Variants in GRAMD4 observed in about 807,000 individuals in gnomAD.
GRAMD4 encodes GRAM domain containing 4.
In GRAMD4, 25 loss-of-function variants were observed where a neutral mutation model predicts 83.9. That is an observed-to-expected ratio of 0.30 (90% CI 0.22 to 0.42). The LOEUF is 0.42. GRAMD4 is among the 10% of genes least tolerant of loss of function. The pLI, the probability that GRAMD4 is intolerant of heterozygous loss-of-function variation, is 1.00. For missense variants in GRAMD4, 593 were observed against 788.7 expected (o/e 0.75, Z 2.97); for synonymous variants, 336 against 320.9 (o/e 1.05, Z -0.50).
chr22:46,673,439 C>G (rs36030561), intron 14 of GRAMD4, among the ~76,000 whole-genome samples: 4,306 of 152,362 alleles, frequency 0.028, 90 homozygotes, highest in Admixed American at 0.047. Context: ...GAGCAGGCCT[C>G]GGTGCTCCCT....
At chr22:46,635,926 C>T (rs937827574) in intron 2 of GRAMD4, among the ~76,000 whole-genome samples, 9 of 152,196 alleles carry the variant, frequency 5.9e-5, no homozygotes, top group African/African-American at 2.2e-4. Context: ...TGCAGGGGTC[C>T]AGCTGCAGGC....
rs940431483 is a variant in GRAMD4, at chr22:46,621,802, G to A, written c.-50+1237G>A. Among the ~76,000 whole-genome samples, 1 of 152,236 alleles carries A rather than the reference G, an allele frequency of 6.6e-6. No individual in the cohort carries two copies. Among genetic ancestry groups the A allele is most frequent in the Non-Finnish European group, 1.5e-5 (1 of 68,034 alleles). ...GGGCCCATCCCTGGTGGTGAAGGCT[G>A]GAAGGTCCATCCCTGGCAGTGTGTG... On this transcript the variant is annotated intron_variant, in intron 1 of 18. Coordinates refer to ENST00000406902, the MANE Select transcript of GRAMD4 (RefSeq NM_015124.5). The surrounding 1 kb of genome is among the most constrained non-coding windows in gnomAD (Gnocchi z 5.8).
At position 46,677,286 on chromosome 22, in the gene GRAMD4, T is replaced by C; in HGVS notation, c.*35T>C. 1 of 1,559,016 alleles carries C rather than the reference T, an allele frequency of 6.4e-7. No individual in the cohort carries two copies. Among genetic ancestry groups the C allele is most frequent in the Non-Finnish European group, 8.6e-7 (1 of 1,161,180 alleles). The stretch of plus-strand genomic sequence containing the variant: ...GCCCAGGACGTTGCTGGAATTTTCT[T>C]TTTCTTTTTCTTTTTCTTTTTTTTT... On this transcript the variant is annotated 3_prime_UTR_variant, in exon 19 of 19. Transcript: ENST00000406902.
intron 1 of GRAMD4, among the ~76,000 whole-genome samples, chr22:46,624,324 CTTTTTTTTT>C (rs577618843): frequency 4.3e-5 from 3 of 69,550 alleles, no homozygotes; most frequent in Admixed American, 1.9e-4. Flanking sequence ...TTCCCTCTTC[CTTTTTTTTT>C]TTTTTTTTTT....
downstream of GRAMD4, among the ~76,000 whole-genome samples, chr22:46,681,607 G>C (rs375034601): frequency 5.3e-5 from 8 of 152,220 alleles, no homozygotes; most frequent in African/African-American, 1.7e-4. Context: ...GGGCACTGCA[G>C]AGCTTCCAGC....
chr22:46,580,188 T>G (rs2081083783), intron 1 of GRAMD4, among the ~76,000 whole-genome samples: 3 of 152,138 alleles, frequency 2.0e-5, no homozygotes, highest in Admixed American at 2.0e-4. Context: ...CCGGGTTTAG[T>G]GAGTAACAGG....
intron 3 of GRAMD4, among the ~76,000 whole-genome samples, chr22:46,654,826 G>A (rs369388211): frequency 7.2e-5 from 11 of 152,294 alleles, no homozygotes; most frequent in South Asian, 2.1e-4. Flanking sequence ...TCCCTCCTCC[G>A]GAACCTGTGG....
At chr22:46,632,019 C>G (rs1373711480) in intron 2 of GRAMD4, among the ~76,000 whole-genome samples, 3 of 152,256 alleles carry the variant, frequency 2.0e-5, no homozygotes, top group Non-Finnish European at 4.4e-5. Flanking sequence ...CGGCGTGTGT[C>G]TTTTCATCTC....
chr22:46,593,202 G>A (rs1209747461), intron 1 of GRAMD4, among the ~76,000 whole-genome samples: 1 of 152,046 alleles, frequency 6.6e-6, no homozygotes, highest in Non-Finnish European at 1.5e-5. Flanking sequence ...GTACTGAAAC[G>A]TTTAAAAAGT....
intron 9 of GRAMD4, among the ~76,000 whole-genome samples, chr22:46,666,140 T>A (rs1158380186): frequency 6.6e-6 from 1 of 152,208 alleles, no homozygotes; most frequent in Non-Finnish European, 1.5e-5. Context: ...CCCGTGTGAC[T>A]GACGCGTTAA....
rs1006436552 is a variant in GRAMD4, at chr22:46,622,661, C to T, written c.-50+2096C>T. 6.6e-6 allele frequency among the ~76,000 whole-genome samples: 1 copy of T among 152,162 alleles called. No homozygotes were observed. The highest frequency in any genetic ancestry group is 2.4e-5 in the African/African-American group (1 of 41,432). Reference sequence around the variant, plus strand: ...GAGCACGGCGGCTCACGCCTGTAATCCCAGCACTTTGGGAGGCCGAGGCGG... The same window carrying T: ...GAGCACGGCGGCTCACGCCTGTAATTCCAGCACTTTGGGAGGCCGAGGCGG... On this transcript the variant is annotated intron_variant, in intron 1 of 18. Coordinates refer to ENST00000406902, the MANE Select transcript of GRAMD4 (RefSeq NM_015124.5). This position sits in a 1 kb window ranked among gnomAD's most constrained non-coding sequence, Gnocchi z 4.0.
intron 4 of GRAMD4, 65 bp from the exon 5 acceptor site, chr22:46,661,316 T>A: frequency 7.7e-7 from 1 of 1,295,510 alleles, no homozygotes; most frequent in Non-Finnish European, 1.1e-6. Context: ...CCCTCGGGGG[T>A]GCCTGACTGG....
rs1363366770 is a variant in GRAMD4, at chr22:46,659,220, CCT to C, written c.404+917_404+918del. 6.6e-6 allele frequency among the ~76,000 whole-genome samples: 1 copy of C among 152,046 alleles called. No individual in the cohort carries two copies. Among genetic ancestry groups the C allele is most frequent in the African/African-American group, 2.4e-5 (1 of 41,394 alleles). On this transcript the variant is annotated intron_variant, in intron 4 of 18. Transcript: ENST00000406902. This position sits in a 1 kb window ranked among gnomAD's most constrained non-coding sequence, Gnocchi z 4.1. ...TCCAGCAGCCTCCTGCTTCGGCCTC[CCT>C]CTCAGCCTCCACTCCCTCAGCCTCC...
intron 3 of GRAMD4, among the ~76,000 whole-genome samples, chr22:46,645,314 C>T (rs553379943): frequency 1.1e-4 from 17 of 152,264 alleles, no homozygotes; most frequent in African/African-American, 3.9e-4. Flanking sequence ...TGAGAGAGGA[C>T]ATTATGTAAT....
intron 5 of GRAMD4, among the ~76,000 whole-genome samples, chr22:46,662,421 C>G (rs914698970): frequency 3.9e-5 from 6 of 152,244 alleles, no homozygotes; most frequent in African/African-American, 7.2e-5. Context: ...CCTGAGCCCC[C>G]CTTCCGAGGG....
chr22:46,636,096 A>AC (rs1277278842), intron 2 of GRAMD4, among the ~76,000 whole-genome samples: 1 of 152,132 alleles, frequency 6.6e-6, no homozygotes, highest in African/African-American at 2.4e-5. Flanking sequence ...GTCTGGCGGC[A>AC]CCTGCGTCTT....
chr22:46,678,897 C>G lies in GRAMD4; in HGVS notation c.*1646C>G. On this transcript the variant is annotated 3_prime_UTR_variant, in exon 19 of 19. Coordinates refer to ENST00000406902, the MANE Select transcript of GRAMD4 (RefSeq NM_015124.5). ...TATCCCAGGCGGTGGAGCGGAGCCCCCGTGGCTCTGGACTGCGCGGACGTT... is the reference window on the plus strand; with the variant it reads ...TATCCCAGGCGGTGGAGCGGAGCCCGCGTGGCTCTGGACTGCGCGGACGTT... 1.0e-6 allele frequency: 1 copy of G among 985,884 alleles called. No individual in the cohort carries two copies. The highest frequency in any genetic ancestry group is 1.2e-6 in the Non-Finnish European group (1 of 830,002). 61.1% of individuals were successfully genotyped at this position (985,884 alleles called of 1,614,324 possible).
chr22:46,673,048 C>T (rs1289996068), intron 14 of GRAMD4, 51 bp downstream of exon 14: 24 of 1,456,930 alleles, frequency 1.6e-5, no homozygotes, highest in African/African-American at 2.8e-5. Context: ...GCCACGAAGC[C>T]GGGCATCCCC....
chr22:46,597,874 G>C (rs2081277816), intron 1 of GRAMD4, among the ~76,000 whole-genome samples: 1 of 151,460 alleles, frequency 6.6e-6, no homozygotes, highest in African/African-American at 2.5e-5. Context: ...TGACACGTTG[G>C]TTTTGTTTTG....
Sources: gnomAD v4.1 joint callset for allele counts (sites outside exome capture counted in the v4.1 genomes callset) on GRCh38, gnomAD v4.1.1 for gene constraint, Gnocchi (gnomAD v3.1) non-coding constraint, MANE v1.5 for transcripts, NCBI Gene and HGNC (gene_info 2026-07-23, HGNC 2026-07-21) for gene names.